Variants in UBE2W observed in about 807,000 individuals in gnomAD.
UBE2W encodes the protein ubiquitin conjugating enzyme E2 W.
Under a neutral mutation model 27.2 loss-of-function variants are expected in UBE2W, and 18 were observed. The observed-to-expected ratio is 0.66, with a 90% confidence interval of 0.46 to 0.98. UBE2W has a LOEUF of 0.98. Ranked by LOEUF, UBE2W falls within the 50% of genes least tolerant of loss-of-function variation. UBE2W has a pLI of 0.00. For missense variants in UBE2W, 90 were observed against 180.2 expected (o/e 0.50, Z 2.87); for synonymous variants, 53 against 57.2 (o/e 0.93, Z 0.33).
chr8:73,781,637 T>TA (rs397943005), downstream of UBE2W, among the ~76,000 whole-genome samples: 42 of 151,048 alleles, frequency 2.8e-4, no homozygotes, highest in East Asian at 3.9e-3. Flanking sequence ...TTTTTTTTTT[T>TA]ATTTTTAAAC....
chr8:73,840,394 T>C (rs1338533440), intron 1 of UBE2W, among the ~76,000 whole-genome samples: 2 of 152,234 alleles, frequency 1.3e-5, no homozygotes, highest in African/African-American at 4.8e-5. Flanking sequence ...GCTTCTAAGC[T>C]AATTCATTTC....
intron 1 of UBE2W, among the ~76,000 whole-genome samples, chr8:73,855,217 G>C (rs1459384350): frequency 1.3e-5 from 2 of 152,118 alleles, no homozygotes; most frequent in African/African-American, 2.4e-5. Context: ...AGAATAGTGA[G>C]AGAGCACTTT....
chr8:73,792,282 A>T lies in UBE2W; in HGVS notation c.*1820T>A. 1 of 985,714 alleles carries T rather than the reference A, an allele frequency of 1.0e-6. No individual in the cohort carries two copies. The highest frequency in any genetic ancestry group is 4.7e-5 in the South Asian group (1 of 21,290). 61.1% of individuals were successfully genotyped at this position (985,714 alleles called of 1,614,324 possible). A position where few individuals can be genotyped will look rare whatever the true frequency, so the allele number is the denominator to read the frequency against. ...GAACAAAAACGGTTATAATTTTTTAAAAGTGGTAATTGTTAACTAGCAGTA... is the reference window on the plus strand; with the variant it reads ...GAACAAAAACGGTTATAATTTTTTATAAGTGGTAATTGTTAACTAGCAGTA... On this transcript the variant is annotated 3_prime_UTR_variant, in exon 6 of 6. Transcript: ENST00000602593.
At position 73,805,472 on chromosome 8, in the gene UBE2W, C is replaced by CAACAAAAAAAA. The variant is rs1554579997; in HGVS notation, c.442+178_442+179insTTTTTTTTGTT. On this transcript the variant is annotated intron_variant, in intron 5 of 5. Coordinates refer to ENST00000602593, the MANE Select transcript of UBE2W (RefSeq NM_018299.6). ...TCCATCTCAAAAAAAAAAAAAAAAA[C>CAACAAAAAAAA]AAAAAAAACTAGGGTAATTCATCCA... Among the ~76,000 whole-genome samples the CAACAAAAAAAA allele has an allele frequency of 9.2e-5, 4 of 43,676 alleles. 1 individual carries two copies. The highest frequency in any genetic ancestry group is 2.0e-4 in the Non-Finnish European group (4 of 20,124). The allele number at this position is 43,676 out of a possible 152,430, so 28.7% of individuals were successfully genotyped here. A position where few individuals can be genotyped will look rare whatever the true frequency, so the allele number is the denominator to read the frequency against.
At chr8:73,800,868 A>C (rs1044207278) in intron 5 of UBE2W, among the ~76,000 whole-genome samples, 1 of 152,182 alleles carries the variant, frequency 6.6e-6, no homozygotes, top group African/African-American at 2.4e-5. Context: ...CCGAGGGGGC[A>C]GATCACCTGA....
rs1017324745 is a variant in UBE2W, at chr8:73,820,089, C to T, written c.210+5058G>A. ...GTGCTTGGATTACAGGCATGAGTAC[C>T]ATGCCCAGCCAGAAAGATGAAAGAC... On this transcript the variant is annotated intron_variant, in intron 3 of 5. Transcript: ENST00000602593. Among the ~76,000 whole-genome samples, 10 of 152,228 alleles carry T rather than the reference C, an allele frequency of 6.6e-5. No individual in the cohort carries two copies. In the South Asian group the frequency reaches 8.3e-4, roughly 13 times the overall value.
downstream of UBE2W, among the ~76,000 whole-genome samples, chr8:73,784,744 G>T (rs955868402): frequency 6.6e-6 from 1 of 151,918 alleles, no homozygotes; most frequent in Non-Finnish European, 1.5e-5. Context: ...AGACCTACTG[G>T]GTCTAGCTTT....
intron 2 of UBE2W, among the ~76,000 whole-genome samples, chr8:73,825,874 C>G (rs114637496): frequency 1.2e-4 from 18 of 152,316 alleles, no homozygotes; most frequent in African/African-American, 4.3e-4. Context: ...TTGATTTATA[C>G]TACCTTATTT....
chr8:73,819,742 G>C (rs974373607), intron 3 of UBE2W, among the ~76,000 whole-genome samples: 2 of 152,136 alleles, frequency 1.3e-5, no homozygotes, highest in Non-Finnish European at 2.9e-5. Context: ...ACATATTTTA[G>C]AGAGGTAACT....
At chr8:73,867,810 T>C (rs760749848) in intron 1 of UBE2W, among the ~76,000 whole-genome samples, 1 of 151,946 alleles carries the variant, frequency 6.6e-6, no homozygotes, top group Non-Finnish European at 1.5e-5. Flanking sequence ...AATACATCAT[T>C]AGCCATTAGT....
intron 1 of UBE2W, among the ~76,000 whole-genome samples, chr8:73,854,047 G>A (rs145501925): frequency 0.023 from 3,508 of 152,204 alleles, 141 homozygotes; most frequent in African/African-American, 0.081. Context: ...TACTCAGGAG[G>A]CTGAGGAGGG....
Position 73,792,889 on chromosome 8 carries a change from A to G in UBE2W, c.*1213T>C. On this transcript the variant is annotated 3_prime_UTR_variant, in exon 6 of 6. Coordinates refer to ENST00000602593, the MANE Select transcript of UBE2W (RefSeq NM_018299.6). The stretch of plus-strand genomic sequence containing the variant: ...AGGAAAAACTATATGGCTGTGTGAG[A>G]CAAATAAGCAACCATTTGATAGTGA... 1.0e-6 allele frequency: 1 copy of G among 985,776 alleles called. No homozygotes were observed. Among genetic ancestry groups the G allele is most frequent in the Non-Finnish European group, 1.2e-6 (1 of 829,884 alleles). The allele number at this position is 985,776 out of a possible 1,614,324, so 61.1% of individuals were successfully genotyped here. A position where few individuals can be genotyped will look rare whatever the true frequency, so the allele number is the denominator to read the frequency against.
chr8:73,857,397 CACT>C (rs1191362987), intron 1 of UBE2W, among the ~76,000 whole-genome samples: 1 of 152,128 alleles, frequency 6.6e-6, no homozygotes, highest in Admixed American at 6.6e-5. Context: ...CAACTTTTTT[CACT>C]ACAATAGTTT....
At chr8:73,856,900 T>G (rs1811325693) in intron 1 of UBE2W, among the ~76,000 whole-genome samples, 1 of 151,236 alleles carries the variant, frequency 6.6e-6, no homozygotes, top group African/African-American at 2.4e-5. Context: ...AGAAAGGGGG[T>G]TTTGCTATGT....
rs114156621 is a variant in UBE2W at position 73,867,058 on chromosome 8, G to C, written c.15+11750C>G. 1.4e-3 allele frequency among the ~76,000 whole-genome samples: 214 copies of C among 151,158 alleles called. 1 individual carries two copies. Among genetic ancestry groups the C allele is most frequent in the African/African-American group, 4.9e-3 (201 of 41,256 alleles). ...AATGTAATAAATAATGTCTAATAAA[G>C]GACATGTAGTCTAAATATATAAAGA... On this transcript the variant is annotated intron_variant, in intron 1 of 5. Transcript: ENST00000602593.
At chr8:73,866,567 C>T (rs1811782183) in intron 1 of UBE2W, among the ~76,000 whole-genome samples, 1 of 151,170 alleles carries the variant, frequency 6.6e-6, no homozygotes, top group African/African-American at 2.4e-5. Flanking sequence ...AATCAAAGAC[C>T]CAAATGTAAA....
At chr8:73,866,922 T>G (rs1811798632) in intron 1 of UBE2W, among the ~76,000 whole-genome samples, 1 of 151,372 alleles carries the variant, frequency 6.6e-6, no homozygotes. Flanking sequence ...GGAGAATCGC[T>G]TGAACCCATG....
At chr8:73,847,069 T>C (rs1407782159) in intron 1 of UBE2W, among the ~76,000 whole-genome samples, 1 of 151,614 alleles carries the variant, frequency 6.6e-6, no homozygotes, top group Admixed American at 6.6e-5. Flanking sequence ...CTTGGGAGGC[T>C]GAGGCAGGAG....
At chr8:73,860,817 C>T (rs1376339406) in intron 1 of UBE2W, among the ~76,000 whole-genome samples, 1 of 152,026 alleles carries the variant, frequency 6.6e-6, no homozygotes, top group Non-Finnish European at 1.5e-5. Context: ...AGACAGGGAG[C>T]TATCAAAACA....
Sources: allele counts gnomAD v4.1 joint callset (sites outside exome capture counted in the v4.1 genomes callset), GRCh38; gene constraint gnomAD v4.1.1; transcripts MANE v1.5; gene names NCBI Gene and HGNC (gene_info 2026-07-23, HGNC 2026-07-21).